Variants in HDAC9 observed in about 807,000 individuals in gnomAD.
The protein encoded by HDAC9 is histone deacetylase 9.
Under a neutral mutation model 139.4 loss-of-function variants are expected in HDAC9, and 41 were observed. The observed-to-expected ratio is 0.29, with a 90% confidence interval of 0.23 to 0.38. The LOEUF (loss-of-function observed/expected upper bound fraction) is 0.38, where lower values mean the gene tolerates loss of function less well. HDAC9 is among the 10% of genes least tolerant of loss of function. The probability of loss-of-function intolerance (pLI) is 1.00; values close to 1 mark genes in which losing one functional copy is unlikely to be tolerated. For missense variants in HDAC9, 1,147 were observed against 1,297.0 expected, an observed-to-expected ratio of 0.88 and a Z score of 1.78; for synonymous variants, 517 against 476.2, an observed-to-expected ratio of 1.09 and a Z score of -1.12.
intron 16 of HDAC9, among the ~76,000 whole-genome samples, chr7:18,784,768 G>T (rs1358370427): frequency 2.0e-5 from 3 of 152,032 alleles, no homozygotes; most frequent in South Asian, 4.1e-4. Context: ...CAATTAGAAG[G>T]GTGGGTTACT....
chr7:18,563,725 A>AC (rs71014390), intron 2 of HDAC9, among the ~76,000 whole-genome samples: 33,881 of 148,154 alleles, frequency 0.23, 4,363 homozygotes, highest in Admixed American at 0.31. Context: ...GAACCACCCA[A>AC]CCCCCCCCAT....
At chr7:18,868,754 C>G (rs1003654737) in intron 21 of HDAC9, among the ~76,000 whole-genome samples, 5 of 152,108 alleles carry the variant, frequency 3.3e-5, no homozygotes, top group Non-Finnish European at 7.4e-5. Flanking sequence ...TGATCTTCTG[C>G]TTTCCTTTCA....
chr7:18,915,495 G>A (rs1411214309), intron 22 of HDAC9, among the ~76,000 whole-genome samples: 1 of 151,446 alleles, frequency 6.6e-6, no homozygotes, highest in East Asian at 1.9e-4. Flanking sequence ...CGAGCTTAAA[G>A]GAAAAAATTA....
At chr7:18,233,265 G>T (rs979516833) in intron 2 of HDAC9, among the ~76,000 whole-genome samples, 2 of 151,858 alleles carry the variant, frequency 1.3e-5, no homozygotes, top group Admixed American at 6.6e-5. Context: ...TCTGCTTCTT[G>T]GCATCAAGCA....
At chr7:18,338,759 G>A (rs1406957633) in intron 1 of HDAC9, among the ~76,000 whole-genome samples, 1 of 151,342 alleles carries the variant, frequency 6.6e-6, no homozygotes, top group Non-Finnish European at 1.5e-5. Flanking sequence ...TGGTATCAGG[G>A]TAATTCTGAT....
intron 1 of HDAC9, among the ~76,000 whole-genome samples, chr7:18,379,361 T>C (rs374433282): frequency 6.6e-6 from 1 of 152,336 alleles, no homozygotes; most frequent in African/African-American, 2.4e-5. Context: ...CTGAAATCCA[T>C]GTATACCAGA....
intron 2 of HDAC9, among the ~76,000 whole-genome samples, chr7:18,520,766 C>G (rs1232137285): frequency 6.6e-6 from 1 of 152,316 alleles, no homozygotes; most frequent in East Asian, 1.9e-4. Context: ...GAGCCTTGGT[C>G]TGACACCAAG....
chr7:18,924,074 A>G (rs1378070005), intron 22 of HDAC9, among the ~76,000 whole-genome samples: 1 of 151,278 alleles, frequency 6.6e-6, no homozygotes, highest in Non-Finnish European at 1.5e-5. Flanking sequence ...GATCTTGGCC[A>G]TGTTTGTACT....
intron 22 of HDAC9, among the ~76,000 whole-genome samples, chr7:18,895,915 A>AT (rs1801155547): frequency 1.3e-5 from 2 of 152,216 alleles, no homozygotes; most frequent in African/African-American, 4.8e-5. Flanking sequence ...ACATATTTCC[A>AT]AAAGGGAGAG....
intron 2 of HDAC9, among the ~76,000 whole-genome samples, chr7:18,175,425 A>G (rs1788808906): frequency 6.6e-6 from 1 of 152,146 alleles, no homozygotes; most frequent in Non-Finnish European, 1.5e-5. Flanking sequence ...AGGTGAGGTG[A>G]TGCCCTGCCC....
intron 2 of HDAC9, among the ~76,000 whole-genome samples, chr7:18,522,299 A>G (rs1246427249): frequency 2.0e-5 from 3 of 152,176 alleles, no homozygotes; most frequent in South Asian, 4.1e-4. Flanking sequence ...CCTGATTAGT[A>G]AGTGCTCTTT....
chr7:18,580,736 T>A (rs1168263727), intron 2 of HDAC9, among the ~76,000 whole-genome samples: 1 of 152,204 alleles, frequency 6.6e-6, no homozygotes, highest in Non-Finnish European at 1.5e-5. Context: ...TGAACAGAGA[T>A]GATTCTATTT....
chr7:18,133,806 T>C (rs1785190073), intron 1 of HDAC9, among the ~76,000 whole-genome samples: 1 of 152,096 alleles, frequency 6.6e-6, no homozygotes, highest in African/African-American at 2.4e-5. Context: ...CATTTGACTA[T>C]TGGAAGTTGC....
At chr7:18,775,899 C>G (rs571624902) in intron 16 of HDAC9, among the ~76,000 whole-genome samples, 17 of 152,102 alleles carry the variant, frequency 1.1e-4, no homozygotes, top group Admixed American at 5.9e-4. Flanking sequence ...AGATGGCCTT[C>G]TTGTCTCAGC....
intron 1 of HDAC9, among the ~76,000 whole-genome samples, chr7:18,155,210 C>T (rs922420227): frequency 6.6e-6 from 1 of 151,796 alleles, no homozygotes; most frequent in African/African-American, 2.4e-5. Context: ...GTGACTGTGA[C>T]TCCCTATTGT....
intron 22 of HDAC9, chr7:18,892,778 A>C (rs537450876): frequency 6.6e-6 from 1 of 152,198 alleles, no homozygotes; most frequent in South Asian, 2.1e-4. Context: ...CTGAAGGCTC[A>C]GGAAGGTATA....
intron 22 of HDAC9, among the ~76,000 whole-genome samples, chr7:18,926,111 G>A (rs1230765251): frequency 6.6e-6 from 1 of 152,208 alleles, no homozygotes; most frequent in Non-Finnish European, 1.5e-5. Context: ...AACTCTGGGA[G>A]GCCGAGGCAG....
intron 2 of HDAC9, among the ~76,000 whole-genome samples, chr7:18,545,639 C>T (rs1457567888): frequency 6.6e-6 from 1 of 152,130 alleles, no homozygotes; most frequent in Admixed American, 6.5e-5. Context: ...TTTATATCTG[C>T]AGCACCCAAA....
intron 1 of HDAC9, among the ~76,000 whole-genome samples, chr7:18,401,261 A>G (rs944453989): frequency 4.6e-5 from 7 of 152,146 alleles, no homozygotes; most frequent in African/African-American, 1.7e-4. Flanking sequence ...CTTGAGAAAA[A>G]CTTATACTCA....
Sources: allele counts gnomAD v4.1 joint callset (sites outside exome capture counted in the v4.1 genomes callset), GRCh38; gene constraint gnomAD v4.1.1; transcripts MANE v1.5; gene names NCBI Gene and HGNC (gene_info 2026-07-23, HGNC 2026-07-21).